SPATA31E1: variants seen among roughly 807,000 people sequenced by gnomAD.
SPATA31E1 encodes spermatogenesis-associated protein 31E1.
SPATA31E1 carries 7 observed loss-of-function variants against 12.9 expected under a neutral mutation model. The observed-to-expected ratio is 0.54, with a 90% confidence interval of 0.31 to 1.02. The LOEUF (loss-of-function observed/expected upper bound fraction) is 1.02. Ranked by LOEUF, SPATA31E1 falls within the 50% of genes least tolerant of loss-of-function variation. The probability of loss-of-function intolerance (pLI) is 0.05; values close to 1 mark genes in which losing one functional copy is unlikely to be tolerated. For missense variants in SPATA31E1, 1,961 were observed against 1,799.8 expected, an observed-to-expected ratio of 1.09 and a Z score of -1.62; for synonymous variants, 771 against 719.0, an observed-to-expected ratio of 1.07 and a Z score of -1.16.
At chr9:87,884,500 C>T in intron 2 of SPATA31E1, 91 bp from the exon 3 acceptor site, 1 of 1,357,956 alleles carries the variant, frequency 7.4e-7, no homozygotes, top group Non-Finnish European at 1.1e-6. Flanking sequence ...GTCTAGTCCC[C>T]CATGGTGTCC....
rs781651143 is a variant in SPATA31E1 at position 87,885,881 on chromosome 9, A to G, written c.1394A>G (p.Asn465Ser). The change falls in exon 4 of 4, where the codon AAT becomes AGT. Residue 465 changes from asparagine (N) to serine (S), a missense_variant. Transcript: ENST00000325643. ...GTTTCTAGGAACCCTTCCTCACAGA[A>G]TGCACACTCTGTACCACTGGATAAA... Reference protein sequence around the residue: ...VWVSRNPSSQNAHSVPLDKAS... With the variant: ...VWVSRNPSSQSAHSVPLDKAS... 1 of 1,613,856 alleles carries G rather than the reference A, an allele frequency of 6.2e-7. No homozygotes were observed. Among genetic ancestry groups the G allele is most frequent in the African/African-American group, 1.3e-5 (1 of 74,886 alleles).
At position 87,885,230 on chromosome 9, in the gene SPATA31E1, C is replaced by A; in HGVS notation, c.743C>A (p.Pro248Gln). Reference protein sequence around the residue: ...PHVVFPPSPQPHGPLASSPPP... With the variant: ...PHVVFPPSPQQHGPLASSPPP... ...GTGGTTTTTCCTCCTTCACCACAGC[C>A]GCATGGTCCCCTGGCCTCCTCTCCA... Residue 248 changes from proline (P) to glutamine (Q), a missense_variant, in exon 4 of 4, where the codon CCG (proline) becomes CAG (glutamine). Physicochemically the swap from Pro to Gln is moderately conservative, Grantham distance 76. Transcript: ENST00000325643. The A allele has an allele frequency of 1.2e-6, 2 of 1,614,156 alleles. No homozygotes were observed. Among genetic ancestry groups the A allele is most frequent in the Non-Finnish European group, 1.7e-6 (2 of 1,180,022 alleles).
intron 1 of SPATA31E1, among the ~76,000 whole-genome samples, chr9:87,883,632 T>C (rs1473611174): frequency 4.6e-5 from 7 of 151,930 alleles, no homozygotes; most frequent in African/African-American, 1.7e-4. Context: ...CCACATGTGC[T>C]TTTTCCTCCT....
rs749474147 is a variant in SPATA31E1, at chr9:87,886,777, A to G, written c.2290A>G (p.Lys764Glu). The G allele has an allele frequency of 6.2e-7, 1 of 1,614,086 alleles. No homozygotes were observed. Among genetic ancestry groups the G allele is most frequent in the Non-Finnish European group, 8.5e-7 (1 of 1,180,032 alleles). ...CCCAGACAAGGAGCATCTGGAAAAC[A>G]AGCTGCAAATCCATCTGGCCAGGAA... Reference protein sequence around the residue: ...RDPDKEHLENKLQIHLARKVG... With the variant: ...RDPDKEHLENELQIHLARKVG... The change falls in exon 4 of 4, where the codon AAG (lysine) becomes GAG (glutamate). Residue 764 changes from lysine to glutamate, a missense_variant. Physicochemically the swap from Lys to Glu is moderately conservative, Grantham distance 56. Coordinates refer to ENST00000325643, the MANE Select transcript of SPATA31E1 (RefSeq NM_178828.5).
rs778966597 is a variant in SPATA31E1 at position 87,885,473 on chromosome 9, G to T, written c.986G>T (p.Arg329Leu). ...STYSHGKSQP[R>L]HLPDHTSEAS... ...TACTCACATGGCAAATCCCAGCCAC[G>T]GCATCTTCCCGACCACACCTCAGAG... The change falls in exon 4 of 4, where the codon CGG (arginine) becomes CTG (leucine). Residue 329 changes from arginine (R) to leucine (L), a missense_variant. By Grantham distance (102) the Arg-to-Leu change is moderately radical (BLOSUM62 -2). Coordinates refer to ENST00000325643, the MANE Select transcript of SPATA31E1 (RefSeq NM_178828.5). 6.2e-7 allele frequency: 1 copy of T among 1,613,784 alleles called. No homozygotes were observed. Among genetic ancestry groups the T allele is most frequent in the Non-Finnish European group, 8.5e-7 (1 of 1,179,900 alleles).
In SPATA31E1 at chr9:87,887,688, A is replaced by G. The variant is rs1564129763; in HGVS notation, c.3201A>G (p.Thr1067=). 1 of 1,614,118 alleles carries G rather than the reference A, an allele frequency of 6.2e-7. No homozygotes were observed. Among genetic ancestry groups the G allele is most frequent in the Admixed American group, 1.7e-5 (1 of 60,026 alleles). Residue 1067 remains threonine, a synonymous_variant, in exon 4 of 4, where the codon ACA becomes ACG. Transcript: ENST00000325643. ...GTGTTCAGGAGGATCTGAGGAGCAC[A>G]GGGGCTCTGGGGACCACTGGTAACC... is the stretch of plus-strand genomic sequence containing the variant. ...SGSVQEDLRS[T]GALGTTGNPS... is the part of the protein sequence containing the mutation.
Position 87,885,120 on chromosome 9 carries a change from G to A in SPATA31E1, c.633G>A (p.Glu211=). The change falls in exon 4 of 4, where the codon GAG becomes GAA. Residue 211 remains glutamate, a synonymous_variant. Transcript: ENST00000325643. ...TLSPGPMTFS[E]PFGPHSTLSA... ...CACCAGGCCCGATGACCTTCTCAGA[G>A]CCTTTTGGACCACACTCAACCCTGA... The A allele has an allele frequency of 6.2e-7, 1 of 1,614,144 alleles. No individual in the cohort carries two copies. Among genetic ancestry groups the A allele is most frequent in the East Asian group, 2.2e-5 (1 of 44,876 alleles).
chr9:87,883,298 T>A, intron 1 of SPATA31E1, 98 bp downstream of exon 1: 2 of 1,465,958 alleles, frequency 1.4e-6, no homozygotes, highest in Non-Finnish European at 1.8e-6. Context: ...CCTTCTGTGA[T>A]GGGAAATCTC....
chr9:87,882,934 A>T lies in SPATA31E1; in HGVS notation c.43A>T (p.Arg15Trp). The change falls in exon 1 of 4, where the codon AGG becomes TGG. Residue 15 changes from arginine to tryptophan, a missense_variant. By Grantham distance (101) the Arg-to-Trp change is moderately radical (BLOSUM62 -3). Coordinates refer to ENST00000325643, the MANE Select transcript of SPATA31E1 (RefSeq NM_178828.5). ...VIPLGKGRAG[R>W]VESGQRIPPP... ...CCCTCTAGGGAAGGGCAGGGCAGGC[A>T]GGGTTGAGAGTGGGCAGAGGATTCC... 1 of 1,613,122 alleles carries T rather than the reference A, an allele frequency of 6.2e-7. No individual in the cohort carries two copies. The highest frequency in any genetic ancestry group is 8.5e-7 in the Non-Finnish European group (1 of 1,179,908).
In SPATA31E1 at chr9:87,886,378, G is replaced by A; in HGVS notation, c.1891G>A (p.Gly631Arg). ...SPELPEHWWQ[G>R]RNAIHQEQSC... Reference sequence around the variant, plus strand: ...TGAGCTCCCAGAGCACTGGTGGCAAGGAAGGAATGCCATCCACCAGGAGCA... The same window carrying A: ...TGAGCTCCCAGAGCACTGGTGGCAAAGAAGGAATGCCATCCACCAGGAGCA... Residue 631 changes from glycine (G) to arginine (R), a missense_variant, in exon 4 of 4, where the codon GGA (glycine) becomes AGA (arginine). Coordinates refer to ENST00000325643, the MANE Select transcript of SPATA31E1 (RefSeq NM_178828.5). 1 of 1,613,482 alleles carries A rather than the reference G, an allele frequency of 6.2e-7. No individual in the cohort carries two copies. Among genetic ancestry groups the A allele is most frequent in the Non-Finnish European group, 8.5e-7 (1 of 1,179,688 alleles).
Position 87,888,834 on chromosome 9 carries a change from A to C in SPATA31E1, c.*9A>C. The C allele has an allele frequency of 1.3e-6, 2 of 1,582,994 alleles. No homozygotes were observed. The highest frequency in any genetic ancestry group is 1.7e-6 in the Non-Finnish European group (2 of 1,165,892). ...GGTGTCTTGCCTCCTGAACTAGACC[A>C]GTCTTCTTGCATGTCTCCTGGGGGA... is the stretch of plus-strand genomic sequence containing the variant. On this transcript the variant is annotated 3_prime_UTR_variant, in exon 4 of 4. Transcript: ENST00000325643.
chr9:87,886,797 C>G lies in SPATA31E1; in HGVS notation c.2310C>G (p.Ala770=). ...HLENKLQIHL[A]RKVGEIKEGW... is the part of the protein sequence containing the mutation. The stretch of plus-strand genomic sequence containing the variant: ...AAAACAAGCTGCAAATCCATCTGGC[C>G]AGGAAGGTAGGGGAGATCAAAGAGG... Residue 770 remains alanine (A), a synonymous_variant, in exon 4 of 4, where the codon GCC becomes GCG. Transcript: ENST00000325643. 6.2e-7 allele frequency: 1 copy of G among 1,614,080 alleles called. No homozygotes were observed.
chr9:87,886,224 G>C lies in SPATA31E1; in HGVS notation c.1737G>C (p.Arg579Ser), dbSNP rs771557331. The C allele has an allele frequency of 3.7e-6, 6 of 1,613,728 alleles. No individual in the cohort carries two copies. Among genetic ancestry groups the C allele is most frequent in the Non-Finnish European group, 5.1e-6 (6 of 1,179,940 alleles). ...TGAAGAAGCGACCAAAGTGGAAGAG[G>C]GTTTTGCCCTCTCTCCTCAAAAAGT... ...WPLKKRPKWKRVLPSLLKKSQ... is the reference protein window; with the variant it reads ...WPLKKRPKWKSVLPSLLKKSQ... Residue 579 changes from arginine to serine, a missense_variant, in exon 4 of 4, where the codon AGG becomes AGC. Coordinates refer to ENST00000325643, the MANE Select transcript of SPATA31E1 (RefSeq NM_178828.5).
In SPATA31E1 at chr9:87,888,490, T is replaced by G; in HGVS notation, c.4003T>G (p.Trp1335Gly). The G allele has an allele frequency of 6.2e-7, 1 of 1,614,104 alleles. No individual in the cohort carries two copies. The highest frequency in any genetic ancestry group is 1.1e-5 in the South Asian group (1 of 91,072). ...CCTGGTGGACAAACTGGGGCTTCAGTGGGGACGAGGTCCCTCAGAGGTCAA... is the reference window on the plus strand; with the variant it reads ...CCTGGTGGACAAACTGGGGCTTCAGGGGGGACGAGGTCCCTCAGAGGTCAA... ...QILVDKLGLQ[W>G]GRGPSEVNRH... Residue 1335 changes from tryptophan (W) to glycine (G), a missense_variant, in exon 4 of 4, where the codon TGG (tryptophan) becomes GGG (glycine). Coordinates refer to ENST00000325643, the MANE Select transcript of SPATA31E1 (RefSeq NM_178828.5).
In SPATA31E1 at chr9:87,887,760, C is replaced by G. The variant is rs755994337; in HGVS notation, c.3273C>G (p.His1091Gln). 3 of 1,613,872 alleles carry G rather than the reference C, an allele frequency of 1.9e-6. No individual in the cohort carries two copies. The highest frequency in any genetic ancestry group is 1.7e-5 in the Admixed American group (1 of 60,012). The stretch of plus-strand genomic sequence containing the variant: ...TTGCTCAGGATCCAGAGCAGCTGCA[C>G]CTGAAAGCGCAGGTGGTCAGTGAGA... ...VCVAQDPEQL[H>Q]LKAQVVSEIA... The change falls in exon 4 of 4, where the codon CAC becomes CAG. Residue 1091 changes from histidine (H) to glutamine (Q), a missense_variant. By Grantham distance (24) the His-to-Gln change is conservative. Coordinates refer to ENST00000325643, the MANE Select transcript of SPATA31E1 (RefSeq NM_178828.5).
Position 87,884,591 on chromosome 9 carries a change from C to T in SPATA31E1, c.365C>T (p.Ala122Val), listed in dbSNP as rs1305739248. 1 of 1,614,174 alleles carries T rather than the reference C, an allele frequency of 6.2e-7. No homozygotes were observed. The highest frequency in any genetic ancestry group is 1.1e-5 in the South Asian group (1 of 91,080). ...SRSRKISALKACRILLRELEE... is the reference protein window; with the variant it reads ...SRSRKISALKVCRILLRELEE... ...CATAACCCTGTCTCCTGATTTCCAG[C>T]TTGCAGAATCCTCCTGAGGGAGCTG... Residue 122 changes from alanine to valine, a missense_variant and splice_region_variant, in exon 3 of 4, where the codon GCT (alanine) becomes GTT (valine). Physicochemically the swap from Ala to Val is moderately conservative, Grantham distance 64. Coordinates refer to ENST00000325643, the MANE Select transcript of SPATA31E1 (RefSeq NM_178828.5).
Position 87,887,058 on chromosome 9 carries a change from CATAA to C in SPATA31E1, c.2574_2577del (p.Ile858MetfsTer58). 1 of 1,614,096 alleles carries C rather than the reference CATAA, an allele frequency of 6.2e-7. No homozygotes were observed. Among genetic ancestry groups the C allele is most frequent in the Non-Finnish European group, 8.5e-7 (1 of 1,180,016 alleles). Reference sequence around the variant, plus strand: ...GTACAGACCTCCAGTCCCTGGAGCCCATAAATGTCTGGTCAGGTGAGGCTCAGGC... The same window carrying C: ...GTACAGACCTCCAGTCCCTGGAGCCCATGTCTGGTCAGGTGAGGCTCAGGC... On this transcript the variant is annotated frameshift_variant, in exon 4 of 4. Transcript: ENST00000325643. LOFTEE classifies it low-confidence loss of function (END_TRUNC).
chr9:87,887,435 A>C lies in SPATA31E1; in HGVS notation c.2948A>C (p.Lys983Thr). Residue 983 changes from lysine (K) to threonine (T), a missense_variant, in exon 4 of 4, where the codon AAA becomes ACA. Coordinates refer to ENST00000325643, the MANE Select transcript of SPATA31E1 (RefSeq NM_178828.5). ...SRTVLESGKP[K>T]PRLEGSMGSE... ...ACTGTCCTGGAATCCGGGAAACCCA[A>C]ACCCAGACTAGAGGGGAGTATGGGT... 6.2e-7 allele frequency: 1 copy of C among 1,613,852 alleles called. No homozygotes were observed. Among genetic ancestry groups the C allele is most frequent in the Non-Finnish European group, 8.5e-7 (1 of 1,180,040 alleles).
At position 87,885,472 on chromosome 9, in the gene SPATA31E1, C is replaced by T. The variant is rs770623783; in HGVS notation, c.985C>T (p.Arg329Trp). 9.3e-6 allele frequency: 15 copies of T among 1,613,894 alleles called. No homozygotes were observed. The highest frequency in any genetic ancestry group is 8.9e-5 in the East Asian group (4 of 44,886). Residue 329 changes from arginine to tryptophan, a missense_variant, in exon 4 of 4, where the codon CGG (arginine) becomes TGG (tryptophan). By Grantham distance (101) the Arg-to-Trp change is moderately radical (BLOSUM62 -3). Coordinates refer to ENST00000325643, the MANE Select transcript of SPATA31E1 (RefSeq NM_178828.5). ...STYSHGKSQP[R>W]HLPDHTSEAS... ...CTACTCACATGGCAAATCCCAGCCA[C>T]GGCATCTTCCCGACCACACCTCAGA...
Sources: gnomAD v4.1 joint callset for allele counts (sites outside exome capture counted in the v4.1 genomes callset) on GRCh38, gnomAD v4.1.1 for gene constraint, MANE v1.5 for transcripts, NCBI Gene and HGNC (gene_info 2026-07-23, HGNC 2026-07-21) for gene names.